The following EPN3 variants were observed in gnomAD, a reference collection of about 807,000 sequenced individuals.
EPN3 encodes epsin-3.
Under a neutral mutation model 55.5 loss-of-function variants are expected in EPN3, and 56 were observed. The ratio of observed to expected loss-of-function variants is 1.01; its 90% CI spans 0.81 to 1.26. EPN3 has a LOEUF of 1.26. Ranked by LOEUF, EPN3 falls within the 50% of genes most tolerant of loss-of-function variation. EPN3 has a pLI of 0.00. For synonymous variants in EPN3, 449 were observed against 375.2 expected, an observed-to-expected ratio of 1.20 and a Z score of -2.27; for missense variants, 927 against 853.4, an observed-to-expected ratio of 1.09 and a Z score of -1.07.
rs534780983 is a variant in EPN3 at position 50,540,538 on chromosome 17, G to A, written c.979+204G>A. 2.8e-3 allele frequency among the ~76,000 whole-genome samples: 256 copies of A among 92,848 alleles called. 6 individuals are homozygous for A. Among genetic ancestry groups the A allele is most frequent in the Admixed American group, 0.021 (217 of 10,134 alleles). The allele number at this position is 92,848 out of a possible 152,430, so 60.9% of individuals were successfully genotyped here. A position where few individuals can be genotyped will look rare whatever the true frequency, so the allele number is the denominator to read the frequency against. On this transcript the variant is annotated intron_variant, in intron 6 of 9. Coordinates refer to ENST00000268933, the MANE Select transcript of EPN3 (RefSeq NM_017957.3). Reference sequence around the variant, plus strand: ...CTGAAGGGCCCAGCTCCTAGGAAACGCAGCAAAATGTTCTCTCGCTGCACT... The same window carrying A: ...CTGAAGGGCCCAGCTCCTAGGAAACACAGCAAAATGTTCTCTCGCTGCACT...
chr17:50,537,073 G>A lies in EPN3; in HGVS notation c.517G>A (p.Gly173Ser), dbSNP rs904183379. Reference protein sequence around the residue: ...SGQLGFSRRYGEDYSRSRGSP... With the variant: ...SGQLGFSRRYSEDYSRSRGSP... Reference sequence around the variant, plus strand: ...GCAGCTGGGCTTCAGCCGCCGCTACGGCGAGGACTACAGCCGCTCCCGGGG... The same window carrying A: ...GCAGCTGGGCTTCAGCCGCCGCTACAGCGAGGACTACAGCCGCTCCCGGGG... The change falls in exon 2 of 10, where the codon GGC becomes AGC. Residue 173 changes from glycine (G) to serine (S), a missense_variant. Physicochemically the swap from Gly to Ser is moderately conservative, Grantham distance 56. Coordinates refer to ENST00000268933, the MANE Select transcript of EPN3 (RefSeq NM_017957.3). 32 of 1,611,498 alleles carry A rather than the reference G, an allele frequency of 2.0e-5. 1 individual carries two copies. The highest frequency in any genetic ancestry group is 5.0e-5 in the Admixed American group (3 of 59,960).
chr17:50,536,568 C>T lies in EPN3; in HGVS notation c.12C>T (p.Ser4=), dbSNP rs745417209. 12 of 1,613,814 alleles carry T rather than the reference C, an allele frequency of 7.4e-6. No individual in the cohort carries two copies. The highest frequency in any genetic ancestry group is 6.6e-5 in the South Asian group (6 of 91,092). Residue 4 remains serine, a synonymous_variant, in exon 2 of 10, where the codon TCC becomes TCT. Transcript: ENST00000268933. The stretch of plus-strand genomic sequence containing the variant: ...CCAAGTCTCCAGCCATGACGACCTC[C>T]GCACTCCGGCGCCAGGTGAAGAACA... The part of the protein sequence containing the change: MTT[S]ALRRQVKNIV...
chr17:50,537,945 C>A, intron 2 of EPN3, 134 bp from the exon 3 acceptor site: 1 of 710,476 alleles, frequency 1.4e-6, no homozygotes, highest in South Asian at 1.7e-5. Context: ...TGGCACACTG[C>A]TTGGCCCACG....
At chr17:50,537,608 G>A (rs978145817) in intron 2 of EPN3, 1 of 192,642 alleles carries the variant, frequency 5.2e-6, no homozygotes, top group African/African-American at 2.4e-5. Context: ...GACAGTCCCT[G>A]ACTCTCCTGC....
chr17:50,540,968 C>A lies in EPN3; in HGVS notation c.1155C>A (p.Thr385=), dbSNP rs767027912. ...RTPVLPAGPP[T]TDPWALNSPH... is the part of the protein sequence containing the mutation. ...CAGTGCTGCCTGCTGGGCCCCCCAC[C>A]ACAGACCCCTGGGCCCTGAACTCTC... The change falls in exon 7 of 10, where the codon ACC becomes ACA. Residue 385 remains threonine (T), a synonymous_variant. Coordinates refer to ENST00000268933, the MANE Select transcript of EPN3 (RefSeq NM_017957.3). 2 of 1,612,998 alleles carry A rather than the reference C, an allele frequency of 1.2e-6. No homozygotes were observed. The highest frequency in any genetic ancestry group is 1.7e-6 in the Non-Finnish European group (2 of 1,179,826).
rs775007162 is a variant in EPN3 at position 50,536,823 on chromosome 17, C to T, written c.267C>T (p.Ser89=). 24 of 1,614,026 alleles carry T rather than the reference C, an allele frequency of 1.5e-5. No homozygotes were observed. In the African/African-American group the frequency reaches 1.9e-4, roughly 13 times the overall value. Reference sequence around the variant, plus strand: ...TGGACTACCTGCTCAAGACGGGCTCCGAGCGGGTGGCCCACCAGTGCCGCG... The same window carrying T: ...TGGACTACCTGCTCAAGACGGGCTCTGAGCGGGTGGCCCACCAGTGCCGCG... ...TLLDYLLKTG[S]ERVAHQCREN... The change falls in exon 2 of 10, where the codon TCC becomes TCT. Residue 89 remains serine (S), a synonymous_variant. Transcript: ENST00000268933.
intron 8 of EPN3, 40 bp downstream of exon 8, chr17:50,541,373 G>T (rs760921085): frequency 6.2e-7 from 1 of 1,608,058 alleles, no homozygotes; most frequent in Non-Finnish European, 8.5e-7. Context: ...TGGGGAATGA[G>T]GGGCCCACCC....
chr17:50,540,265 G>T lies in EPN3; in HGVS notation c.910G>T (p.Ala304Ser), dbSNP rs771915107. Residue 304 changes from alanine to serine, a missense_variant, in exon 6 of 10, where the codon GCT (alanine) becomes TCT (serine). Ala to Ser is a moderately conservative substitution (Grantham distance 99, BLOSUM62 1). Coordinates refer to ENST00000268933, the MANE Select transcript of EPN3 (RefSeq NM_017957.3). ...TCCACAGTCCTCCATCCTGGACTTG[G>T]CTGACATCTTCGTACCTGCCCTGGC... ...KTSQSSILDLADIFVPALAPP... is the reference protein window; with the variant it reads ...KTSQSSILDLSDIFVPALAPP... 1 of 1,612,552 alleles carries T rather than the reference G, an allele frequency of 6.2e-7. No homozygotes were observed. Among genetic ancestry groups the T allele is most frequent in the East Asian group, 2.2e-5 (1 of 44,874 alleles).
chr17:50,534,462 GC>G (rs1027960081), intron 1 of EPN3: 34 of 985,448 alleles, frequency 3.5e-5, no homozygotes, highest in Non-Finnish European at 4.1e-5. Flanking sequence ...GCCGGTAGGG[GC>G]GTGTGCTGGG....
At chr17:50,536,254 C>T (rs1204812356) in intron 1 of EPN3, 167 bp from the exon 2 acceptor site, 3 of 432,586 alleles carry the variant, frequency 6.9e-6, no homozygotes, top group Admixed American at 8.0e-5. Flanking sequence ...GATGAGCATG[C>T]AAAGCTCCAA....
chr17:50,533,082 C>T (rs1252937484), intron 1 of EPN3, 97 bp downstream of exon 1: 24 of 757,530 alleles, frequency 3.2e-5, no homozygotes, highest in Non-Finnish European at 4.5e-5. Context: ...GTCTCTTTTC[C>T]AGGTGCGAGG....
chr17:50,537,103 C>T lies in EPN3; in HGVS notation c.547C>T (p.Pro183Ser), dbSNP rs377452602. ...GGACTACAGCCGCTCCCGGGGCTCCCCGTCCTCCTACAACTGTGAGTAAGC... is the reference window on the plus strand; with the variant it reads ...GGACTACAGCCGCTCCCGGGGCTCCTCGTCCTCCTACAACTGTGAGTAAGC... ...GEDYSRSRGS[P>S]SSYNSSSSSP... Residue 183 changes from proline to serine, a missense_variant, in exon 2 of 10, where the codon CCG becomes TCG. Transcript: ENST00000268933. 21 of 1,603,714 alleles carry T rather than the reference C, an allele frequency of 1.3e-5. No individual in the cohort carries two copies. In the East Asian group the frequency reaches 3.1e-4, roughly 24 times the overall value.
intron 2 of EPN3, chr17:50,537,350 G>C (rs978176828): frequency 1.7e-6 from 1 of 572,406 alleles, no homozygotes; most frequent in African/African-American, 1.9e-5. Context: ...CTGCCTGATA[G>C]GATGGCGCGA....
intron 6 of EPN3, among the ~76,000 whole-genome samples, 160 bp downstream of exon 6, chr17:50,540,494 T>G (rs1043496858): frequency 1.3e-5 from 2 of 152,080 alleles, no homozygotes; most frequent in African/African-American, 4.8e-5. Flanking sequence ...GCTTTCGTAG[T>G]GAGGGCTATG....
chr17:50,536,409 T>C lies in EPN3; in HGVS notation c.-136-12T>C. The stretch of plus-strand genomic sequence containing the variant: ...GCCTCTGCCCCTGAGTTCCTGGCCC[T>C]CTCTTCCTCAGCCCCATGTGGAACC... On this transcript the variant is annotated splice_polypyrimidine_tract_variant and intron_variant, in intron 1 of 9. Transcript: ENST00000268933. 6.8e-7 allele frequency: 1 copy of C among 1,478,822 alleles called. No individual in the cohort carries two copies. Among genetic ancestry groups the C allele is most frequent in the Non-Finnish European group, 8.9e-7 (1 of 1,124,182 alleles). 91.6% of individuals were successfully genotyped at this position (1,478,822 alleles called of 1,614,324 possible). A position where few individuals can be genotyped will look rare whatever the true frequency, so the allele number is the denominator to read the frequency against.
chr17:50,540,225 C>CG, intron 5 of EPN3, 22 bp from the exon 6 acceptor site: 2 of 1,606,748 alleles, frequency 1.2e-6, no homozygotes. Flanking sequence ...TTCTGAGCCG[C>CG]GGCTGCCTCT....
At position 50,536,523 on chromosome 17, in the gene EPN3, G is replaced by A. The variant is rs774967320; in HGVS notation, c.-34G>A. ...GGCCCTCAGCCCTCCACCTCCGGCG[G>A]GGGCGAGGGCCACCCACCTCCAAGT... On this transcript the variant is annotated 5_prime_UTR_variant, in exon 2 of 10. Transcript: ENST00000268933. 1.2e-6 allele frequency: 2 copies of A among 1,612,130 alleles called. No homozygotes were observed. The highest frequency in any genetic ancestry group is 1.7e-6 in the Non-Finnish European group (2 of 1,179,966).
At position 50,539,277 on chromosome 17, in the gene EPN3, G is replaced by A. The variant is rs754210470; in HGVS notation, c.853G>A (p.Glu285Lys). ...TCAGCGGGACAGAGAGCCTGAGAGA[G>A]AAGAGAGAAAGGAGGAGGAGAAGCT... ...HHQRDREPEREERKEEEKLKT... is the reference protein window; with the variant it reads ...HHQRDREPERKERKEEEKLKT... The change falls in exon 5 of 10, where the codon GAA (glutamate) becomes AAA (lysine). Residue 285 changes from glutamate to lysine, a missense_variant. By Grantham distance (56) the Glu-to-Lys change is moderately conservative (BLOSUM62 1). Coordinates refer to ENST00000268933, the MANE Select transcript of EPN3 (RefSeq NM_017957.3). 3 of 1,614,238 alleles carry A rather than the reference G, an allele frequency of 1.9e-6. No individual in the cohort carries two copies. Among genetic ancestry groups the A allele is most frequent in the Non-Finnish European group, 2.5e-6 (3 of 1,180,038 alleles).
In EPN3 at chr17:50,540,922, C is replaced by T; in HGVS notation, c.1109C>T (p.Ser370Phe). Residue 370 changes from serine (S) to phenylalanine (F), a missense_variant, in exon 7 of 10, where the codon TCT (serine) becomes TTT (phenylalanine). Transcript: ENST00000268933. ...GATCTGACTCCCATGCTCTCCTCCT[C>T]TGAGCCCTGGGGCAGGACCCCAGTG... The part of the protein sequence containing the change: ...PWDLTPMLSS[S>F]EPWGRTPVLP... 6.2e-7 allele frequency: 1 copy of T among 1,614,138 alleles called. No homozygotes were observed. The highest frequency in any genetic ancestry group is 8.5e-7 in the Non-Finnish European group (1 of 1,180,018).
Sources: allele counts gnomAD v4.1 joint callset (sites outside exome capture counted in the v4.1 genomes callset), GRCh38; gene constraint gnomAD v4.1.1; transcripts MANE v1.5; gene names NCBI Gene and HGNC (gene_info 2026-07-23, HGNC 2026-07-21).